CECR2: variants seen among roughly 807,000 people sequenced by gnomAD.
CECR2 encodes the protein CECR2 histone acetyl-lysine reader.
In CECR2, 30 loss-of-function variants were observed where a neutral mutation model predicts 154.5. The observed-to-expected ratio is 0.19, with a 90% CI of 0.15 to 0.26. The LOEUF (loss-of-function observed/expected upper bound fraction) is 0.26. CECR2 is among the 10% of genes least tolerant of loss of function. The pLI, the probability that CECR2 is intolerant of heterozygous loss-of-function variation, is 1.00. For synonymous variants in CECR2, 725 were observed against 683.7 expected (o/e 1.06, Z -0.94); for missense variants, 1,743 against 1,829.3 (o/e 0.95, Z 0.86).
chr22:17,438,691 A>C (rs1257245221), intron 1 of CECR2, among the ~76,000 whole-genome samples: 2 of 151,928 alleles, frequency 1.3e-5, no homozygotes, highest in Non-Finnish European at 2.9e-5. Flanking sequence ...TGTGTGGCCC[A>C]AAACAATTCT....
intron 15 of CECR2, 59 bp from the exon 16 acceptor site, chr22:17,542,098 G>A: frequency 6.3e-7 from 1 of 1,577,376 alleles, no homozygotes; most frequent in Non-Finnish European, 8.6e-7. Flanking sequence ...AGAGAAGCAT[G>A]GCACAAAGTG....
At chr22:17,526,304 A>T (rs1054316262) in intron 9 of CECR2, among the ~76,000 whole-genome samples, 2 of 152,162 alleles carry the variant, frequency 1.3e-5, no homozygotes, top group African/African-American at 4.8e-5. Context: ...ATAAAAACCA[A>T]CACACAGACA....
At chr22:17,405,090 A>T (rs532531419) in intron 1 of CECR2, among the ~76,000 whole-genome samples, 9 of 152,124 alleles carry the variant, frequency 5.9e-5, no homozygotes, top group Non-Finnish European at 1.2e-4. Context: ...AAAGTATTTC[A>T]TTCTTTTTGA....
In CECR2 at chr22:17,542,832, C is replaced by G. The variant is rs761287576; in HGVS notation, c.2689C>G (p.Pro897Ala). 1 of 1,613,738 alleles carries G rather than the reference C, an allele frequency of 6.2e-7. No homozygotes were observed. The highest frequency in any genetic ancestry group is 1.1e-5 in the South Asian group (1 of 91,068). The change falls in exon 16 of 19, where the codon CCC becomes GCC. Residue 897 changes from proline (P) to alanine (A), a missense_variant. Pro to Ala is a conservative substitution (Grantham distance 27, BLOSUM62 -1). Transcript: ENST00000262608. ...GCAGCAGCTCTCCTCCCGCGTCTGC[C>G]CCCCAGGTGTGCCTTACCACCCCCA... ...AMQQLSSRVCPPGVPYHPHQP... is the reference protein window; with the variant it reads ...AMQQLSSRVCAPGVPYHPHQP...
chr22:17,518,736 CTTCT>C (rs532418242), intron 8 of CECR2: 114 of 397,448 alleles, frequency 2.9e-4, no homozygotes, highest in African/African-American at 2.3e-3. Context: ...ATCCTGCTCC[CTTCT>C]TAACACCTCT....
chr22:17,510,663 A>C (rs576606691), intron 7 of CECR2, among the ~76,000 whole-genome samples: 4 of 152,056 alleles, frequency 2.6e-5, no homozygotes, highest in South Asian at 2.1e-4. Flanking sequence ...GTGCAGTGGC[A>C]TGATGTCGGC....
intron 1 of CECR2, among the ~76,000 whole-genome samples, chr22:17,440,080 A>AC (rs1491532270): frequency 6.6e-6 from 1 of 151,780 alleles, no homozygotes; most frequent in Non-Finnish European, 1.5e-5. Flanking sequence ...GAAAAAAAAA[A>AC]CAAAAAAAGT....
chr22:17,421,049 A>G (rs947207719), intron 1 of CECR2, among the ~76,000 whole-genome samples: 12 of 152,212 alleles, frequency 7.9e-5, no homozygotes, highest in African/African-American at 2.7e-4. Flanking sequence ...AATAGAATAC[A>G]TTGTTGCCAT....
intron 1 of CECR2, among the ~76,000 whole-genome samples, chr22:17,388,631 C>T (rs1484190339): frequency 1.3e-5 from 2 of 152,112 alleles, no homozygotes; most frequent in Admixed American, 6.6e-5. Context: ...AGAAAGGAAT[C>T]TTTTACGCAA....
intron 1 of CECR2, among the ~76,000 whole-genome samples, chr22:17,475,005 C>T (rs530743845): frequency 9.2e-5 from 14 of 152,204 alleles, no homozygotes; most frequent in Admixed American, 1.3e-4. Context: ...GACTGTAGCA[C>T]CTTTAATCAC....
chr22:17,556,262 G>A lies in CECR2; in HGVS notation c.*3422G>A, dbSNP rs533182983. On this transcript the variant is annotated 3_prime_UTR_variant, in exon 19 of 19. Coordinates refer to ENST00000262608, the MANE Select transcript of CECR2 (RefSeq NM_001290047.2). ...GAGCCCGGGCCAGATGCTCTCAGAA[G>A]GCCTTCTCATGCTCCTCTTCGTTAG... is the stretch of plus-strand genomic sequence containing the variant. 1 of 152,282 alleles carries A rather than the reference G, an allele frequency of 6.6e-6. No homozygotes were observed. The highest frequency in any genetic ancestry group is 2.4e-5 in the African/African-American group (1 of 41,540). The allele number at this position is 152,282 out of a possible 1,614,324, so 9.4% of individuals were successfully genotyped here.
intron 1 of CECR2, among the ~76,000 whole-genome samples, chr22:17,475,897 C>G (rs1453997146): frequency 1.3e-5 from 2 of 151,906 alleles, no homozygotes; most frequent in South Asian, 2.1e-4. Context: ...GGGCTAACAT[C>G]TCCCCTCCCA....
Position 17,477,630 on chromosome 22 carries a change from A to G in CECR2, c.169A>G (p.Ser57Gly), listed in dbSNP as rs2055231823. The change falls in exon 2 of 19, where the codon AGT (serine) becomes GGT (glycine). Residue 57 changes from serine to glycine, a missense_variant. Physicochemically the swap from Ser to Gly is moderately conservative, Grantham distance 56. This residue lies in a region of CECR2 where 98 missense variants were observed against 169.3 expected (regional missense o/e 0.58). Transcript: ENST00000262608. ...ALHRDDVEFI[S>G]DLIACLLQGC... ...TCACAGAGATGACGTGGAGTTTATC[A>G]GTGACCTGATTGCCTGCCTGCTTCA... is the stretch of plus-strand genomic sequence containing the variant. 11 of 1,613,728 alleles carry G rather than the reference A, an allele frequency of 6.8e-6. No individual in the cohort carries two copies. Among genetic ancestry groups the G allele is most frequent in the African/African-American group, 1.3e-5 (1 of 75,058 alleles).
At chr22:17,550,865 C>T (rs2056697774) in intron 17 of CECR2, among the ~76,000 whole-genome samples, 1 of 152,044 alleles carries the variant, frequency 6.6e-6, no homozygotes, top group African/African-American at 2.4e-5. Flanking sequence ...TGGCGTGAAC[C>T]TGGGAGGCGG....
chr22:17,544,715 C>T (rs1382797655), intron 16 of CECR2, among the ~76,000 whole-genome samples: 6 of 134,130 alleles, frequency 4.5e-5, no homozygotes, highest in South Asian at 2.5e-4. Context: ...GGAGCTGAGG[C>T]GGGAGAATCA....
chr22:17,383,027 ACCG>A (rs1180004267), intron 1 of CECR2, among the ~76,000 whole-genome samples: 1 of 152,062 alleles, frequency 6.6e-6, no homozygotes, highest in East Asian at 1.9e-4. Context: ...GGAGTTCGAG[ACCG>A]CCTGGCCAAG....
intron 2 of CECR2, among the ~76,000 whole-genome samples, chr22:17,493,870 C>T (rs2055573864): frequency 6.6e-6 from 1 of 152,198 alleles, no homozygotes; most frequent in South Asian, 2.1e-4. Flanking sequence ...TCTGCACATC[C>T]TCCAGTGAAG....
At chr22:17,441,922 C>A (rs553170099) in intron 1 of CECR2, among the ~76,000 whole-genome samples, 123 of 152,316 alleles carry the variant, frequency 8.1e-4, no homozygotes, top group African/African-American at 2.8e-3. Flanking sequence ...ACACCATACT[C>A]TGTCTTACAA....
intron 1 of CECR2, among the ~76,000 whole-genome samples, chr22:17,385,002 C>T (rs757686991): frequency 6.2e-4 from 95 of 152,294 alleles, no homozygotes; most frequent in Non-Finnish European, 1.1e-3. Flanking sequence ...TAAAGCTTCA[C>T]GAACCAACCT....
Sources: allele counts gnomAD v4.1 joint callset (sites outside exome capture counted in the v4.1 genomes callset), GRCh38; gene constraint gnomAD v4.1.1; regional missense constraint gnomAD v4.1.1; transcripts MANE v1.5; gene names NCBI Gene and HGNC (gene_info 2026-07-23, HGNC 2026-07-21).